The following ERC2 variants were observed in gnomAD, a reference collection of about 807,000 sequenced individuals.
ERC2 encodes ELKS/RAB6-interacting/CAST family member 2.
ERC2 carries 42 observed loss-of-function variants against 114.8 expected under a neutral mutation model. The observed-to-expected ratio is 0.37, with a 90% CI of 0.29 to 0.47. The LOEUF (loss-of-function observed/expected upper bound fraction) is 0.47. ERC2 is among the 20% of genes least tolerant of loss of function. The pLI is 0.99. For synonymous variants in ERC2, 454 were observed against 425.5 expected (o/e 1.07, Z -0.82); for missense variants, 939 against 1,150.7 (o/e 0.82, Z 2.66).
At chr3:55,909,160 G>A (rs1461928437) in intron 13 of ERC2, among the ~76,000 whole-genome samples, 3 of 152,146 alleles carry the variant, frequency 2.0e-5, no homozygotes, top group African/African-American at 7.2e-5. Context: ...CTTCCATCTC[G>A]GCCCCTCTGC....
At chr3:55,624,439 G>A (rs1301835577) in intron 17 of ERC2, among the ~76,000 whole-genome samples, 1 of 152,202 alleles carries the variant, frequency 6.6e-6, no homozygotes, top group Non-Finnish European at 1.5e-5. Flanking sequence ...GGCATGCAGG[G>A]TGGATGGGAT....
chr3:55,583,375 T>C (rs1287743476), intron 17 of ERC2, among the ~76,000 whole-genome samples: 100 of 135,086 alleles, frequency 7.4e-4, no homozygotes, highest in African/African-American at 2.2e-3. Context: ...GCCTGCCTTC[T>C]TTCCTTCTTT....
At chr3:56,212,277 C>CA (rs2049113214) in intron 3 of ERC2, among the ~76,000 whole-genome samples, 1 of 151,960 alleles carries the variant, frequency 6.6e-6, no homozygotes, top group Non-Finnish European at 1.5e-5. Flanking sequence ...ATAATCCCAT[C>CA]AAAAAGTGGG....
intron 2 of ERC2, among the ~76,000 whole-genome samples, chr3:56,366,218 C>T (rs917540353): frequency 2.0e-5 from 3 of 152,242 alleles, no homozygotes; most frequent in African/African-American, 7.2e-5. Context: ...GTATCCGAAA[C>T]CTTCTCTTTT....
intron 13 of ERC2, among the ~76,000 whole-genome samples, chr3:55,933,165 C>T (rs9834272): frequency 0.091 from 13,721 of 150,420 alleles, 941 homozygotes; most frequent in East Asian, 0.24. Context: ...GTAGAGATCG[C>T]GCCACTGCAC....
intron 4 of ERC2, among the ~76,000 whole-genome samples, chr3:56,155,576 G>A (rs968981713): frequency 2.6e-5 from 4 of 152,162 alleles, no homozygotes; most frequent in Admixed American, 1.3e-4. Context: ...AAGTGATAGC[G>A]TGAAAGGTAA....
At chr3:55,520,348 AT>A (rs1310677777) in intron 17 of ERC2, among the ~76,000 whole-genome samples, 2 of 146,930 alleles carry the variant, frequency 1.4e-5, no homozygotes, top group Admixed American at 1.4e-4. Context: ...AGGCATGAGA[AT>A]TGTTTGAACC....
chr3:55,893,825 C>T (rs921692281), intron 13 of ERC2, among the ~76,000 whole-genome samples: 7 of 152,154 alleles, frequency 4.6e-5, no homozygotes, highest in African/African-American at 1.7e-4. Flanking sequence ...TGCATGCATA[C>T]ACATATGTAT....
intron 17 of ERC2, among the ~76,000 whole-genome samples, chr3:55,635,743 A>C (rs2148640102): frequency 6.6e-6 from 1 of 152,168 alleles, no homozygotes; most frequent in South Asian, 2.1e-4. Flanking sequence ...GTTTAGAAAC[A>C]CGCATAATGA....
chr3:56,191,677 A>G (rs1018851910), intron 3 of ERC2, among the ~76,000 whole-genome samples: 1 of 152,012 alleles, frequency 6.6e-6, no homozygotes, highest in Non-Finnish European at 1.5e-5. Context: ...GATGTTGCAC[A>G]TCACCCTCCA....
intron 8 of ERC2, among the ~76,000 whole-genome samples, chr3:56,017,553 C>T (rs556072026): frequency 4.6e-5 from 7 of 152,208 alleles, no homozygotes; most frequent in Admixed American, 2.6e-4. Context: ...CACCCTTGTA[C>T]TTGCTCTCCC....
chr3:56,005,615 G>A (rs766619636), intron 10 of ERC2, among the ~76,000 whole-genome samples: 6 of 152,008 alleles, frequency 3.9e-5, no homozygotes, highest in East Asian at 1.9e-4. Flanking sequence ...TGGAGCCCCC[G>A]ATCTCCATAA....
chr3:55,723,006 G>T (rs2064674958), intron 15 of ERC2, among the ~76,000 whole-genome samples: 1 of 152,064 alleles, frequency 6.6e-6, no homozygotes, highest in Non-Finnish European at 1.5e-5. Flanking sequence ...AAAAATAAAA[G>T]ACTTATGTAC....
chr3:56,423,864 C>A (rs2061473294), intron 2 of ERC2, among the ~76,000 whole-genome samples: 2 of 152,316 alleles, frequency 1.3e-5, no homozygotes, highest in South Asian at 4.1e-4. Flanking sequence ...AATAGATTTA[C>A]AATTTTCTAT....
chr3:56,007,039 A>T (rs1346311207), intron 10 of ERC2, 142 bp downstream of exon 10: 2 of 687,394 alleles, frequency 2.9e-6, no homozygotes, highest in Non-Finnish European at 4.6e-6. Context: ...TTAGCAATAA[A>T]GTTAAGAGTA....
At chr3:55,658,255 C>G (rs923837305) in intron 17 of ERC2, 30 of 152,226 alleles carry the variant, frequency 2.0e-4, no homozygotes, top group African/African-American at 6.8e-4. Context: ...TCTCTTCTCA[C>G]TATGGCCCTG....
chr3:55,916,076 G>A (rs112253658), intron 13 of ERC2, among the ~76,000 whole-genome samples: 37 of 152,256 alleles, frequency 2.4e-4, no homozygotes, highest in African/African-American at 8.9e-4. Context: ...GCGAGGTCAA[G>A]CCAGGCCATT....
chr3:55,989,416 G>C (rs551326039), intron 11 of ERC2, among the ~76,000 whole-genome samples: 3 of 152,258 alleles, frequency 2.0e-5, no homozygotes, highest in South Asian at 4.1e-4. Flanking sequence ...CAGTTCTGGG[G>C]GGCTGGTTTA....
intron 2 of ERC2, among the ~76,000 whole-genome samples, chr3:56,402,751 G>A (rs1349699234): frequency 6.6e-6 from 1 of 152,042 alleles, no homozygotes; most frequent in Non-Finnish European, 1.5e-5. Flanking sequence ...ATTTTGTTTG[G>A]TTGGTTGTAT....
Sources: gnomAD v4.1 joint callset for allele counts (sites outside exome capture counted in the v4.1 genomes callset) on GRCh38, gnomAD v4.1.1 for gene constraint, MANE v1.5 for transcripts, NCBI Gene and HGNC (gene_info 2026-07-23, HGNC 2026-07-21) for gene names.